MSH5: variants seen among roughly 807,000 people sequenced by gnomAD.
The protein encoded by MSH5 is mutS homolog 5.
Under a neutral mutation model 107.7 loss-of-function variants are expected in MSH5, and 78 were observed. The observed-to-expected ratio is 0.72, with a 90% CI of 0.60 to 0.87. The LOEUF (loss-of-function observed/expected upper bound fraction) is 0.87. Among genes scored for constraint, MSH5 ranks in the 40% least tolerant of loss-of-function variants. The pLI, the probability that MSH5 is intolerant of heterozygous loss-of-function variation, is 0.00. For missense variants in MSH5, 889 were observed against 1,046.6 expected, an observed-to-expected ratio of 0.85 and a Z score of 2.08; for synonymous variants, 326 against 399.5, an observed-to-expected ratio of 0.82 and a Z score of 2.19.
chr6:31,761,851 GTCT>G lies in MSH5; in HGVS notation c.2222_2224del (p.Phe741del), dbSNP rs1301775264. 12 of 1,612,942 alleles carry G rather than the reference GTCT, an allele frequency of 7.4e-6. No homozygotes were observed. Among genetic ancestry groups the G allele is most frequent in the Admixed American group, 1.7e-5 (1 of 59,988 alleles). On this transcript the variant is annotated inframe_deletion, in exon 23 of 25. Transcript: ENST00000375750. The surrounding 1 kb of genome is among the most constrained non-coding windows in gnomAD (Gnocchi z 5.3). ...GACCTGTGAGGATGGCAACGATCTT[GTCT>G]TCTTCTATCAGGTTTGCGAAGGTGT... is the stretch of plus-strand genomic sequence containing the variant.
rs770182829 is a variant in MSH5 at position 31,758,177 on chromosome 6, G to T, written c.1027G>T (p.Ala343Ser). ...GTTTCTCTCACAGACTGTGTACAGT[G>T]CCCTGGGCCTGAGGGATGCCTGCCG... is the stretch of plus-strand genomic sequence containing the variant. ...WQVLYKTVYS[A>S]LGLRDACRSL... is the part of the protein sequence containing the mutation. The change falls in exon 13 of 25, where the codon GCC becomes TCC. Residue 343 changes from alanine (A) to serine (S), a missense_variant. Ala to Ser is a moderately conservative substitution (Grantham distance 99). Coordinates refer to ENST00000375750, the MANE Select transcript of MSH5 (RefSeq NM_172166.4). This position sits in a 1 kb window ranked among gnomAD's most constrained non-coding sequence, Gnocchi z 5.1. 2 of 1,612,942 alleles carry T rather than the reference G, an allele frequency of 1.2e-6. No homozygotes were observed. Among genetic ancestry groups the T allele is most frequent in the Non-Finnish European group, 1.7e-6 (2 of 1,180,050 alleles).
chr6:31,744,720 G>A, intron 8 of MSH5, 139 bp downstream of exon 8: 1 of 909,478 alleles, frequency 1.1e-6, no homozygotes, highest in Non-Finnish European at 1.7e-6. Context: ...GGGAAGGGGG[G>A]TTTTGAGGGA....
intron 7 of MSH5, 110 bp downstream of exon 7, chr6:31,744,409 T>A: frequency 6.5e-7 from 1 of 1,541,238 alleles, no homozygotes; most frequent in South Asian, 1.1e-5. Context: ...TCAAGTGCTC[T>A]AGGACACCCG....
Position 31,740,041 on chromosome 6 carries a change from T to C in MSH5, c.-35T>C, listed in dbSNP as rs1037187011. 6.4e-6 allele frequency: 1 copy of C among 155,592 alleles called. No individual in the cohort carries two copies. The highest frequency in any genetic ancestry group is 2.4e-5 in the African/African-American group (1 of 41,334). The allele number at this position is 155,592 out of a possible 1,614,324, so 9.6% of individuals were successfully genotyped here. On this transcript the variant is annotated 5_prime_UTR_variant, in exon 1 of 25. Coordinates refer to ENST00000375750, the MANE Select transcript of MSH5 (RefSeq NM_172166.4). This position sits in a 1 kb window ranked among gnomAD's most constrained non-coding sequence, Gnocchi z 4.4. The stretch of plus-strand genomic sequence containing the variant: ...TCGTGGCGGTCGGTCAGCGGGGCGT[T>C]CTCCCACCTGTAGCGACTCAGGTTA...
intron 8 of MSH5, 132 bp from the exon 9 acceptor site, chr6:31,745,103 CAA>C (rs9279403): frequency 0.062 from 21,836 of 349,674 alleles, 33 homozygotes; most frequent in East Asian, 0.074. Flanking sequence ...GACTCCATCT[CAA>C]AAAAAAAAAA....
chr6:31,761,525 A>ACCCACATGCC lies in MSH5; in HGVS notation c.2099_2108dup (p.Ile703MetfsTer34), dbSNP rs1035258832. On this transcript the variant is annotated frameshift_variant, in exon 22 of 25. Coordinates refer to ENST00000375750, the MANE Select transcript of MSH5 (RefSeq NM_172166.4). LOFTEE classifies it high-confidence loss of function. The surrounding 1 kb of genome is among the most constrained non-coding windows in gnomAD (Gnocchi z 5.3). ...TGCTCCGACACTGGCTGGCACGTGG[A>ACCCACATGCC]CCCACATGCCCCCACATCTTTGTGG... 1.9e-6 allele frequency: 3 copies of ACCCACATGCC among 1,613,786 alleles called. No individual in the cohort carries two copies. The highest frequency in any genetic ancestry group is 2.5e-6 in the Non-Finnish European group (3 of 1,180,040).
chr6:31,758,897 T>C lies in MSH5; in HGVS notation c.1326+22T>C. Reference sequence around the variant, plus strand: ...TCTGGTGAGGGCAGGAGAGTGGGTGTAGCCTTCAGATGTCTTTTGGGGGAG... The same window carrying C: ...TCTGGTGAGGGCAGGAGAGTGGGTGCAGCCTTCAGATGTCTTTTGGGGGAG... On this transcript the variant is annotated intron_variant, in intron 15 of 24. Transcript: ENST00000375750. This position sits in a 1 kb window ranked among gnomAD's most constrained non-coding sequence, Gnocchi z 5.1. 1.1e-5 allele frequency: 18 copies of C among 1,593,652 alleles called. No individual in the cohort carries two copies. The highest frequency in any genetic ancestry group is 1.5e-5 in the Non-Finnish European group (17 of 1,161,438).
At chr6:31,752,378 C>T (rs188992275) in intron 10 of MSH5, among the ~76,000 whole-genome samples, 7 of 151,212 alleles carry the variant, frequency 4.6e-5, no homozygotes, top group Non-Finnish European at 1.0e-4. Flanking sequence ...TGCACTCTAG[C>T]CTGGGCGACA....
In MSH5 at chr6:31,744,041, G is replaced by T. The variant is rs754713666; in HGVS notation, c.537+16G>T. 4 of 1,613,818 alleles carry T rather than the reference G, an allele frequency of 2.5e-6. No individual in the cohort carries two copies. The South Asian group carries it at 4.4e-5, about 18-fold the overall frequency. Reference sequence around the variant, plus strand: ...CCTCCTCACAGTGAGATTGGTCCTGGGGGATAAGGGCTGGGAGGCGGCACA... The same window carrying T: ...CCTCCTCACAGTGAGATTGGTCCTGTGGGATAAGGGCTGGGAGGCGGCACA... On this transcript the variant is annotated intron_variant, in intron 6 of 24. Transcript: ENST00000375750.
chr6:31,741,378 CACA>C (rs757724155), intron 3 of MSH5, 92 bp downstream of exon 3: 1 of 833,662 alleles, frequency 1.2e-6, no homozygotes, highest in South Asian at 1.9e-5. Context: ...CACACACACA[CACA>C]CATATTTTTT....
chr6:31,741,588 T>C (rs191557278), intron 3 of MSH5, among the ~76,000 whole-genome samples: 1 of 152,242 alleles, frequency 6.6e-6, no homozygotes, highest in Non-Finnish European at 1.5e-5. Context: ...TTCACCATGT[T>C]GGCCAGGGTG....
chr6:31,744,369 G>A, intron 7 of MSH5, 70 bp downstream of exon 7: 7 of 1,601,020 alleles, frequency 4.4e-6, no homozygotes, highest in Non-Finnish European at 1.7e-6. Flanking sequence ...AAGTGGGGGT[G>A]GGGTGTGGAT....
In MSH5 at chr6:31,740,400, G is replaced by T; in HGVS notation, c.-13-54G>T. The T allele has an allele frequency of 6.5e-7, 1 of 1,527,030 alleles. No homozygotes were observed. The highest frequency in any genetic ancestry group is 8.8e-7 in the Non-Finnish European group (1 of 1,135,174). 94.6% of individuals were successfully genotyped at this position (1,527,030 alleles called of 1,614,324 possible). On this transcript the variant is annotated intron_variant, in intron 1 of 24. Transcript: ENST00000375750. The surrounding 1 kb of genome is among the most constrained non-coding windows in gnomAD (Gnocchi z 4.4). ...TGCATTCTGCGCGCCACCCTACCCC[G>T]GCCTCCTCTGTGAATCGTTGCTTCC... is the stretch of plus-strand genomic sequence containing the variant.
chr6:31,755,440 G>A (rs928684889), intron 12 of MSH5, among the ~76,000 whole-genome samples: 1 of 151,674 alleles, frequency 6.6e-6, no homozygotes. Flanking sequence ...TCGGCTCACC[G>A]CAACCTCCAC....
At position 31,743,119 on chromosome 6, in the gene MSH5, C is replaced by T; in HGVS notation, c.364C>T (p.His122Tyr). Residue 122 changes from histidine to tyrosine, a missense_variant, in exon 5 of 25, where the codon CAC becomes TAC. This residue lies in a region of MSH5 where 518 missense variants were observed against 565.0 expected (regional missense o/e 0.92). Transcript: ENST00000375750. Reference sequence around the variant, plus strand: ...TTCCTCCCCCACAGCCTCCCAGGAGCACAGAGAGCCTAAAAGACCTGAAAT... The same window carrying T: ...TTCCTCCCCCACAGCCTCCCAGGAGTACAGAGAGCCTAAAAGACCTGAAAT... ...RFLGKLASQE[H>Y]REPKRPEIIF... The T allele has an allele frequency of 6.2e-7, 1 of 1,613,018 alleles. No individual in the cohort carries two copies.
At position 31,760,212 on chromosome 6, in the gene MSH5, A is replaced by G. The variant is rs61748589; in HGVS notation, c.1808A>G (p.Lys603Arg). The part of the protein sequence containing the change: ...PNSSGKSIYL[K>R]QVGLITFMAL... ...TCATCAGGGAAGAGCATATACCTCA[A>G]ACAGGTGAGGAGAAGCCCTGCAGCC... is the stretch of plus-strand genomic sequence containing the variant. The change falls in exon 19 of 25, where the codon AAA (lysine) becomes AGA (arginine). Residue 603 changes from lysine to arginine, a missense_variant. Lys to Arg is a conservative substitution (Grantham distance 26, BLOSUM62 2). Coordinates refer to ENST00000375750, the MANE Select transcript of MSH5 (RefSeq NM_172166.4). The surrounding 1 kb of genome is among the most constrained non-coding windows in gnomAD (Gnocchi z 5.6). The G allele has an allele frequency of 8.7e-3, 13,820 of 1,597,438 alleles. 86 individuals are homozygous for G. Among genetic ancestry groups the G allele is most frequent in the Non-Finnish European group, 0.011 (12,578 of 1,172,922 alleles).
rs563884637 is a variant in MSH5 at position 31,760,458 on chromosome 6, A to G, written c.1813-232A>G. Among the ~76,000 whole-genome samples the G allele has an allele frequency of 1.2e-4, 18 of 152,274 alleles. No individual in the cohort carries two copies. Among genetic ancestry groups the G allele is most frequent in the African/African-American group, 4.3e-4 (18 of 41,554 alleles). ...TTCACCTGCCTCTGAGTAGGTACAC[A>G]CCACTCCCAAGTATGTCTCTGCCCA... On this transcript the variant is annotated intron_variant, in intron 19 of 24. Transcript: ENST00000375750. This position sits in a 1 kb window ranked among gnomAD's most constrained non-coding sequence, Gnocchi z 5.6.
rs773551303 is a variant in MSH5, at chr6:31,761,652, G to T, written c.2181+37G>T. 9.9e-6 allele frequency: 16 copies of T among 1,613,694 alleles called. No homozygotes were observed. The highest frequency in any genetic ancestry group is 1.3e-5 in the Non-Finnish European group (15 of 1,180,016). On this transcript the variant is annotated intron_variant, in intron 22 of 24. Coordinates refer to ENST00000375750, the MANE Select transcript of MSH5 (RefSeq NM_172166.4). This position sits in a 1 kb window ranked among gnomAD's most constrained non-coding sequence, Gnocchi z 5.3. ...AATCTAGCTCCTCGGGGACCCCCAG[G>T]CTGGGCATTTCCCAGAGGTGGGGAT...
chr6:31,742,588 C>T (rs932739164), intron 3 of MSH5, among the ~76,000 whole-genome samples: 11 of 152,314 alleles, frequency 7.2e-5, no homozygotes, highest in South Asian at 2.1e-4. Context: ...TACAATGTTT[C>T]AGGTGCTTCA....
Sources: gnomAD v4.1 joint callset for allele counts (sites outside exome capture counted in the v4.1 genomes callset) on GRCh38, gnomAD v4.1.1 for gene constraint, gnomAD v4.1.1 regional missense constraint, Gnocchi (gnomAD v3.1) non-coding constraint, MANE v1.5 for transcripts, NCBI Gene and HGNC (gene_info 2026-07-23, HGNC 2026-07-21) for gene names.